The following TCF4 variants were observed in gnomAD, a reference collection of about 807,000 sequenced individuals.
The protein encoded by TCF4 is transcription factor 4, also known as SL3-3 enhancer factor 2.
A neutral mutation model predicts 82.1 loss-of-function variants in TCF4; 3 were observed. The observed-to-expected ratio is 0.04, with a 90% CI of 0.02 to 0.09. TCF4 has a LOEUF of 0.09. TCF4 is among the 10% of genes least tolerant of loss of function. TCF4 has a pLI of 1.00. For missense variants in TCF4, 518 were observed against 852.7 expected (o/e 0.61, Z 4.89); for synonymous variants, 276 against 309.6 (o/e 0.89, Z 1.14).
At chr18:55,263,484 G>A (rs2058471186) in intron 11 of TCF4, among the ~76,000 whole-genome samples, 1 of 152,032 alleles carries the variant, frequency 6.6e-6, no homozygotes, top group Non-Finnish European at 1.5e-5. Context: ...TTGCAGGCAT[G>A]CACCACTATG....
Position 55,434,795 on chromosome 18 carries a change from T to TGTGTGTGTGTGC in TCF4, c.304+26223_304+26224insGCACACACACAC, listed in dbSNP as rs1233861374. Among the ~76,000 whole-genome samples the TGTGTGTGTGTGC allele has an allele frequency of 5.9e-4, 89 of 151,784 alleles. 1 individual carries two copies. The highest frequency in any genetic ancestry group is 1.1e-3 in the Non-Finnish European group (77 of 67,908). On this transcript the variant is annotated intron_variant, in intron 5 of 19. Transcript: ENST00000354452. ...GTGTGTGTGTGTGTGTGTGTGTGTG[T>TGTGTGTGTGTGC]GTATTTTAATTTTTGTAGGTACATA...
At chr18:55,299,053 T>C (rs534868015) in intron 8 of TCF4, among the ~76,000 whole-genome samples, 1 of 152,318 alleles carries the variant, frequency 6.6e-6, no homozygotes, top group East Asian at 1.9e-4. Flanking sequence ...TGAAGAAGTA[T>C]GTCAAGCAGT....
chr18:55,506,852 CT>C (rs1381797466), intron 3 of TCF4, among the ~76,000 whole-genome samples: 1 of 150,900 alleles, frequency 6.6e-6, no homozygotes. Flanking sequence ...AGCATATGAT[CT>C]TTCTTTTTTT....
chr18:55,396,456 G>C (rs2093495185), intron 6 of TCF4, among the ~76,000 whole-genome samples: 1 of 152,150 alleles, frequency 6.6e-6, no homozygotes, highest in South Asian at 2.1e-4. Flanking sequence ...TGCAAGGACT[G>C]AGGCAGGGAT....
intron 3 of TCF4, among the ~76,000 whole-genome samples, chr18:55,544,756 A>G (rs1173144180): frequency 3.9e-5 from 6 of 152,166 alleles, no homozygotes; most frequent in Admixed American, 6.6e-5. Context: ...CTGCTGCCCT[A>G]TGGTTCATAA....
intron 1 of TCF4, among the ~76,000 whole-genome samples, chr18:55,635,137 G>A (rs1603625818): frequency 1.3e-5 from 2 of 152,318 alleles, no homozygotes; most frequent in Admixed American, 1.3e-4. Context: ...ACTTTAGAAT[G>A]TTGATGGGAA....
intron 3 of TCF4, among the ~76,000 whole-genome samples, chr18:55,554,276 A>G (rs1467910102): frequency 6.6e-6 from 1 of 152,106 alleles, no homozygotes; most frequent in African/African-American, 2.4e-5. Context: ...AGGGTGGAAT[A>G]GGAGGAGGGG....
intron 5 of TCF4, among the ~76,000 whole-genome samples, chr18:55,450,468 G>GT (rs2095602507): frequency 6.6e-6 from 1 of 152,090 alleles, no homozygotes; most frequent in Admixed American, 6.5e-5. Flanking sequence ...TTTTGCAATT[G>GT]TTAGTTCCTA....
upstream of TCF4, among the ~76,000 whole-genome samples, chr18:55,592,975 C>A (rs1384913087): frequency 6.6e-6 from 1 of 152,176 alleles, no homozygotes; most frequent in African/African-American, 2.4e-5. Flanking sequence ...TGTTCCCCTT[C>A]CCCAGGTGAG....
chr18:55,291,852 A>G (rs2065167489), intron 8 of TCF4, among the ~76,000 whole-genome samples: 1 of 152,194 alleles, frequency 6.6e-6, no homozygotes. Context: ...CAGAATTTTC[A>G]CTAGGAACTA....
At chr18:55,435,236 C>A (rs960774610) in intron 5 of TCF4, among the ~76,000 whole-genome samples, 5 of 152,162 alleles carry the variant, frequency 3.3e-5, no homozygotes, top group African/African-American at 9.7e-5. Context: ...TGATAGGTAA[C>A]CTTCAACTTT....
chr18:55,561,761 A>G (rs964532468), intron 3 of TCF4, among the ~76,000 whole-genome samples: 6 of 152,240 alleles, frequency 3.9e-5, no homozygotes. Flanking sequence ...CATTAAAAAT[A>G]TGAAGAAAAC....
intron 5 of TCF4, among the ~76,000 whole-genome samples, chr18:55,433,017 A>G (rs2095245371): frequency 6.6e-6 from 1 of 152,238 alleles, no homozygotes; most frequent in South Asian, 2.1e-4. Flanking sequence ...GTGTGCTGAA[A>G]TACATGTTTT....
chr18:55,572,353 A>T (rs1470895840), intron 3 of TCF4, among the ~76,000 whole-genome samples: 1 of 152,226 alleles, frequency 6.6e-6, no homozygotes, highest in Non-Finnish European at 1.5e-5. Context: ...CCTAAAATGG[A>T]CTAACAAGTA....
chr18:55,253,756 C>CA (rs2055969466), intron 15 of TCF4, among the ~76,000 whole-genome samples: 1 of 151,910 alleles, frequency 6.6e-6, no homozygotes, highest in African/African-American at 2.4e-5. Context: ...TCAGAATTGA[C>CA]AGACACTATT....
At chr18:55,440,177 C>A (rs2095413987) in intron 5 of TCF4, among the ~76,000 whole-genome samples, 1 of 152,192 alleles carries the variant, frequency 6.6e-6, no homozygotes, top group Non-Finnish European at 1.5e-5. Flanking sequence ...ATCTTACTTC[C>A]TTTAAGGACA....
chr18:55,384,526 A>C (rs761203595), intron 6 of TCF4, among the ~76,000 whole-genome samples: 85 of 152,358 alleles, frequency 5.6e-4, no homozygotes, highest in Non-Finnish European at 2.6e-4. Context: ...ATAGGGAAAG[A>C]AATCCCTGCA....
At chr18:55,516,814 A>G (rs1004736502) in intron 3 of TCF4, among the ~76,000 whole-genome samples, 1 of 152,046 alleles carries the variant, frequency 6.6e-6, no homozygotes, top group African/African-American at 2.4e-5. Context: ...GAGAGAAAGC[A>G]AATGATATCA....
At chr18:55,605,621 A>T (rs1381515894) in intron 2 of TCF4, among the ~76,000 whole-genome samples, 3 of 152,240 alleles carry the variant, frequency 2.0e-5, no homozygotes, top group Non-Finnish European at 2.9e-5. Context: ...AACATAAAAA[A>T]GACGGACTTG....
Sources: gnomAD v4.1 joint callset for allele counts (sites outside exome capture counted in the v4.1 genomes callset) on GRCh38, gnomAD v4.1.1 for gene constraint, MANE v1.5 for transcripts, NCBI Gene and HGNC (gene_info 2026-07-23, HGNC 2026-07-21) for gene names.